The following RIMS1 variants were observed in gnomAD, a reference collection of about 807,000 sequenced individuals.
The protein encoded by RIMS1 is regulating synaptic membrane exocytosis 1, also known as regulating synaptic membrane exocytosis protein 1.
Under a neutral mutation model 214.1 loss-of-function variants are expected in RIMS1, and 83 were observed. The ratio of observed to expected loss-of-function variants is 0.39; its 90% CI spans 0.32 to 0.47. The LOEUF (loss-of-function observed/expected upper bound fraction) is 0.47, where lower values mean the gene tolerates loss of function less well. Among genes scored for constraint, RIMS1 ranks in the 20% least tolerant of loss-of-function variants. The probability of loss-of-function intolerance (pLI) is 0.99; values close to 1 mark genes in which losing one functional copy is unlikely to be tolerated. For missense variants in RIMS1, 2,050 were observed against 2,161.8 expected (o/e 0.95, Z 1.03); for synonymous variants, 793 against 786.8 (o/e 1.01, Z -0.13).
At chr6:72,226,157 G>C (rs2060117323) in intron 6 of RIMS1, among the ~76,000 whole-genome samples, 1 of 152,080 alleles carries the variant, frequency 6.6e-6, no homozygotes, top group Non-Finnish European at 1.5e-5. Flanking sequence ...GTGTTTGTGT[G>C]TTTGTTGTTC....
chr6:72,216,575 ATC>A (rs1589304007), intron 6 of RIMS1: 2 of 985,514 alleles, frequency 2.0e-6, no homozygotes, highest in Middle Eastern at 1.0e-3. Context: ...AGAGGAAATG[ATC>A]TGTTACACAG....
chr6:72,114,965 C>T (rs1188488966), intron 4 of RIMS1, among the ~76,000 whole-genome samples: 1 of 151,776 alleles, frequency 6.6e-6, no homozygotes. Context: ...AAAAGAGGCT[C>T]CCACCAGCTT....
intron 6 of RIMS1, among the ~76,000 whole-genome samples, chr6:72,221,675 T>G (rs2058487989): frequency 6.6e-6 from 1 of 152,028 alleles, no homozygotes; most frequent in Non-Finnish European, 1.5e-5. Flanking sequence ...GCTCTTTTAT[T>G]TTGAAATGGA....
intron 4 of RIMS1, among the ~76,000 whole-genome samples, chr6:72,133,014 G>A (rs1453139946): frequency 6.6e-6 from 1 of 152,014 alleles, no homozygotes; most frequent in Non-Finnish European, 1.5e-5. Context: ...AGAAAATTGA[G>A]TCACAGCACA....
chr6:71,892,850 C>T (rs1002437513), intron 1 of RIMS1, among the ~76,000 whole-genome samples: 4 of 151,994 alleles, frequency 2.6e-5, no homozygotes, highest in Non-Finnish European at 5.9e-5. Context: ...TTAAAACTGC[C>T]GTAGTCAGAA....
chr6:71,926,360 T>A (rs958610960), intron 1 of RIMS1, among the ~76,000 whole-genome samples: 1 of 152,216 alleles, frequency 6.6e-6, no homozygotes. Context: ...ACTAAAAATA[T>A]TTTTCTCCTC....
At chr6:72,119,298 C>CA (rs1045600989) in intron 4 of RIMS1, among the ~76,000 whole-genome samples, 2 of 151,390 alleles carry the variant, frequency 1.3e-5, no homozygotes, top group African/African-American at 2.4e-5. Context: ...AAAATGCTGC[C>CA]AAAAAAATAA....
chr6:72,203,683 A>C (rs561313506), intron 6 of RIMS1, among the ~76,000 whole-genome samples: 1 of 152,186 alleles, frequency 6.6e-6, no homozygotes, highest in African/African-American at 2.4e-5. Context: ...AGCACCAAAA[A>C]CTAATCTGGT....
At chr6:72,328,730 T>C (rs1033126983) in intron 28 of RIMS1, among the ~76,000 whole-genome samples, 3 of 151,798 alleles carry the variant, frequency 2.0e-5, no homozygotes, top group African/African-American at 7.2e-5. Context: ...TCTAAGCCTA[T>C]ATTTTAAAGG....
chr6:72,379,538 C>T (rs1451526452), intron 29 of RIMS1, among the ~76,000 whole-genome samples: 1 of 152,094 alleles, frequency 6.6e-6, no homozygotes, highest in Non-Finnish European at 1.5e-5. Flanking sequence ...ATGTGAGGCC[C>T]GGAAAGAACA....
chr6:72,258,057 A>C, intron 16 of RIMS1, 68 bp from the exon 17 acceptor site: 1 of 1,367,370 alleles, frequency 7.3e-7, no homozygotes, highest in East Asian at 2.4e-5. Flanking sequence ...ATAATTTTAT[A>C]TTCCTGTGTT....
chr6:72,002,032 G>A (rs1433400184), intron 2 of RIMS1, among the ~76,000 whole-genome samples: 3 of 152,112 alleles, frequency 2.0e-5, no homozygotes, highest in Non-Finnish European at 2.9e-5. Context: ...GACATGGTAG[G>A]GGAGAAGTTT....
At chr6:72,237,513 A>G (rs2064737708) in intron 8 of RIMS1, among the ~76,000 whole-genome samples, 2 of 152,036 alleles carry the variant, frequency 1.3e-5, no homozygotes, top group African/African-American at 2.4e-5. Flanking sequence ...TGTCTCTACA[A>G]ATAATTTTAA....
At chr6:72,045,113 A>G (rs769660351) in intron 2 of RIMS1, among the ~76,000 whole-genome samples, 12 of 152,032 alleles carry the variant, frequency 7.9e-5, no homozygotes, top group Admixed American at 2.0e-4. Context: ...GCTACATTCT[A>G]TAGGATTCTA....
At chr6:72,002,956 G>A (rs1805813035) in intron 2 of RIMS1, among the ~76,000 whole-genome samples, 1 of 152,152 alleles carries the variant, frequency 6.6e-6, no homozygotes, top group South Asian at 2.1e-4. Flanking sequence ...CCTTACTTCT[G>A]TCTCTATCTC....
chr6:72,320,191 T>A (rs1484215111), intron 28 of RIMS1, among the ~76,000 whole-genome samples: 2 of 152,126 alleles, frequency 1.3e-5, no homozygotes, highest in Non-Finnish European at 2.9e-5. Context: ...TTCAAAGTTA[T>A]GCCCATGGAC....
At chr6:71,941,939 CTT>C (rs1452517788) in intron 1 of RIMS1, among the ~76,000 whole-genome samples, 2 of 152,212 alleles carry the variant, frequency 1.3e-5, no homozygotes, top group Non-Finnish European at 2.9e-5. Flanking sequence ...ACAAGACTGT[CTT>C]TTCTGCCAGT....
intron 1 of RIMS1, among the ~76,000 whole-genome samples, chr6:71,956,269 G>A (rs566607686): frequency 6.6e-6 from 1 of 152,066 alleles, no homozygotes; most frequent in South Asian, 2.1e-4. Context: ...TGTATTGTTA[G>A]GTTTTAATCT....
chr6:72,151,014 A>G (rs550062693), intron 4 of RIMS1, among the ~76,000 whole-genome samples: 83 of 152,236 alleles, frequency 5.5e-4, no homozygotes, highest in Non-Finnish European at 9.8e-4. Context: ...AAAGCAATTA[A>G]CATAAAGTTG....
Sources: gnomAD v4.1 joint callset for allele counts (sites outside exome capture counted in the v4.1 genomes callset) on GRCh38, gnomAD v4.1.1 for gene constraint, MANE v1.5 for transcripts, NCBI Gene and HGNC (gene_info 2026-07-23, HGNC 2026-07-21) for gene names.